Variants in TBC1D10B observed in about 807,000 individuals in gnomAD.
TBC1D10B encodes Rab27A-GAPbeta.
TBC1D10B carries 25 observed loss-of-function variants against 78.4 expected under a neutral mutation model. The ratio of observed to expected loss-of-function variants is 0.32; its 90% CI spans 0.23 to 0.45. The LOEUF (loss-of-function observed/expected upper bound fraction) is 0.45. TBC1D10B is among the 20% of genes least tolerant of loss of function. The pLI is 1.00. For missense variants in TBC1D10B, 996 were observed against 1,104.8 expected, an observed-to-expected ratio of 0.90 and a Z score of 1.40; for synonymous variants, 517 against 478.0, an observed-to-expected ratio of 1.08 and a Z score of -1.06.
At position 30,369,938 on chromosome 16, in the gene TBC1D10B, C is replaced by CGGGGCT. The variant is rs1281544370; in HGVS notation, c.240_245dup (p.Pro82_Ala83dup). The stretch of plus-strand genomic sequence containing the variant: ...CCACCACCGTGCTGCCCGTGACAGC[C>CGGGGCT]GGGGCTGGGGCCGGGGCTGGGGCCG... On this transcript the variant is annotated inframe_insertion, in exon 1 of 9. Transcript: ENST00000409939. This position sits in a 1 kb window ranked among gnomAD's most constrained non-coding sequence, Gnocchi z 4.3. 1.7e-5 allele frequency: 20 copies of CGGGGCT among 1,209,036 alleles called. No individual in the cohort carries two copies. The Middle Eastern group carries it at 1.2e-3, about 73-fold the overall frequency. The allele number at this position is 1,209,036 out of a possible 1,614,324, so 74.9% of individuals were successfully genotyped here. A position where few individuals can be genotyped will look rare whatever the true frequency, so the allele number is the denominator to read the frequency against.
At position 30,365,150 on chromosome 16, in the gene TBC1D10B, C is replaced by G; in HGVS notation, c.1119G>C (p.Leu373=). 2 of 1,614,020 alleles carry G rather than the reference C, an allele frequency of 1.2e-6. No homozygotes were observed. Among genetic ancestry groups the G allele is most frequent in the Non-Finnish European group, 1.7e-6 (2 of 1,179,900 alleles). The part of the protein sequence containing the change: ...SSLRAKAWQY[L]SNSKELLEQN... ...GCTCCAGAAGTTCCTTGCTATTAGACAGGTACTGCCAGGCTTTGGCTCTGA... is the reference window on the plus strand; with the variant it reads ...GCTCCAGAAGTTCCTTGCTATTAGAGAGGTACTGCCAGGCTTTGGCTCTGA... The change falls in exon 3 of 9, where the codon CTG becomes CTC. Residue 373 remains leucine (L), a synonymous_variant. Coordinates refer to ENST00000409939, the MANE Select transcript of TBC1D10B (RefSeq NM_015527.4). The surrounding 1 kb of genome is among the most constrained non-coding windows in gnomAD (Gnocchi z 5.0).
intron 4 of TBC1D10B, among the ~76,000 whole-genome samples, chr16:30,364,523 C>T (rs182155230): frequency 1.3e-5 from 2 of 152,278 alleles, no homozygotes; most frequent in East Asian, 3.9e-4. Context: ...TATATACTGA[C>T]ATCTGGAGGA....
intron 4 of TBC1D10B, among the ~76,000 whole-genome samples, chr16:30,364,046 G>C (rs1308179585): frequency 1.3e-5 from 2 of 151,874 alleles, no homozygotes; most frequent in Admixed American, 6.6e-5. Flanking sequence ...GAATCCAGGA[G>C]GCAGAGGTTG....
At position 30,358,435 on chromosome 16, in the gene TBC1D10B, G is replaced by A. The variant is rs765553544; in HGVS notation, c.1936C>T (p.Arg646Cys). ...LHGSRAIHEE[R>C]RRQQPPLGPS... is the part of the protein sequence containing the mutation. ...CCCAGGGGTGGCTGTTGCCGCCGGC[G>A]CTCCTCGTGGATGGCCCGGGACCCA... Residue 646 changes from arginine to cysteine, a missense_variant, in exon 9 of 9, where the codon CGC (arginine) becomes TGC (cysteine). Physicochemically the swap from Arg to Cys is radical, Grantham distance 180 (BLOSUM62 -3). Around this residue, in one of 5 missense-constraint regions of TBC1D10B, gnomAD observed 285 missense variants for 252.5 expected, o/e 1.13. Coordinates refer to ENST00000409939, the MANE Select transcript of TBC1D10B (RefSeq NM_015527.4). 1.1e-5 allele frequency: 17 copies of A among 1,586,696 alleles called. No homozygotes were observed. The highest frequency in any genetic ancestry group is 1.7e-4 in the Middle Eastern group (1 of 6,024).
chr16:30,365,784 A>T lies in TBC1D10B; in HGVS notation c.957-190T>A. On this transcript the variant is annotated intron_variant, in intron 1 of 8. Coordinates refer to ENST00000409939, the MANE Select transcript of TBC1D10B (RefSeq NM_015527.4). The surrounding 1 kb of genome is among the most constrained non-coding windows in gnomAD (Gnocchi z 5.0). ...CTGAAAGGGCTTCCTTCCCTGATGG[A>T]TCTCTATTCAGAGGTCATATTTAAA... 1.7e-6 allele frequency: 1 copy of T among 586,312 alleles called. No individual in the cohort carries two copies. The highest frequency in any genetic ancestry group is 2.9e-5 in the East Asian group (1 of 34,342). The allele number at this position is 586,312 out of a possible 1,614,324, so 36.3% of individuals were successfully genotyped here. A position where few individuals can be genotyped will look rare whatever the true frequency, so the allele number is the denominator to read the frequency against.
In TBC1D10B at chr16:30,365,580, G is replaced by C. The variant is rs1235062183; in HGVS notation, c.971C>G (p.Pro324Arg). The C allele has an allele frequency of 6.2e-7, 1 of 1,613,986 alleles. No homozygotes were observed. The highest frequency in any genetic ancestry group is 8.5e-7 in the Non-Finnish European group (1 of 1,179,890). Residue 324 changes from proline to arginine, a missense_variant, in exon 2 of 9, where the codon CCC (proline) becomes CGC (arginine). Around this residue, in one of 5 missense-constraint regions of TBC1D10B, gnomAD observed 448 missense variants for 442.1 expected, o/e 1.01. Transcript: ENST00000409939. This position sits in a 1 kb window ranked among gnomAD's most constrained non-coding sequence, Gnocchi z 5.0. ...CTCCCGCTGCCGAGCCACGTCCACG[G>C]GAATGGAGCTCTCTCTGCAGGGTCG... Reference protein sequence around the residue: ...QYSGSLESSIPVDVARQRELK... With the variant: ...QYSGSLESSIRVDVARQRELK...
intron 4 of TBC1D10B, among the ~76,000 whole-genome samples, chr16:30,361,379 A>G (rs1289015472): frequency 6.6e-6 from 1 of 152,108 alleles, no homozygotes; most frequent in African/African-American, 2.4e-5. Flanking sequence ...ACTGTCTTCA[A>G]TTTCTTTTCT....
In TBC1D10B at chr16:30,358,344, G is replaced by A; in HGVS notation, c.2027C>T (p.Ala676Val). ...GCGGACGGGGGGCGGCGGGGACGGGGCCCCTCCAGCTGCCCGGGAGCCTCG... is the reference window on the plus strand; with the variant it reads ...GCGGACGGGGGGCGGCGGGGACGGGACCCCTCCAGCTGCCCGGGAGCCTCG... ...KSRGSRAAGGAPSPPPPVRRA... is the reference protein window; with the variant it reads ...KSRGSRAAGGVPSPPPPVRRA... The change falls in exon 9 of 9, where the codon GCC becomes GTC. Residue 676 changes from alanine to valine, a missense_variant. Around this residue, in one of 5 missense-constraint regions of TBC1D10B, gnomAD observed 285 missense variants for 252.5 expected, o/e 1.13. Coordinates refer to ENST00000409939, the MANE Select transcript of TBC1D10B (RefSeq NM_015527.4). 2.6e-6 allele frequency: 4 copies of A among 1,559,168 alleles called. No individual in the cohort carries two copies. Among genetic ancestry groups the A allele is most frequent in the Non-Finnish European group, 3.5e-6 (4 of 1,151,514 alleles).
intron 7 of TBC1D10B, 25 bp downstream of exon 7, chr16:30,359,147 A>G: frequency 1.3e-6 from 2 of 1,591,786 alleles, no homozygotes; most frequent in Non-Finnish European, 1.7e-6. Flanking sequence ...CCAGCCCCTC[A>G]TGGCCTGGAG....
intron 1 of TBC1D10B, among the ~76,000 whole-genome samples, chr16:30,368,962 G>C (rs1385874629): frequency 6.6e-6 from 1 of 152,210 alleles, no homozygotes; most frequent in Non-Finnish European, 1.5e-5. Context: ...ACGGAAATGG[G>C]GAAGCCACTA....
At position 30,358,343 on chromosome 16, in the gene TBC1D10B, G is replaced by C; in HGVS notation, c.2028C>G (p.Ala676=). 1 of 1,559,658 alleles carries C rather than the reference G, an allele frequency of 6.4e-7. No individual in the cohort carries two copies. Among genetic ancestry groups the C allele is most frequent in the Non-Finnish European group, 8.7e-7 (1 of 1,151,732 alleles). The change falls in exon 9 of 9, where the codon GCC becomes GCG. Residue 676 remains alanine (A), a synonymous_variant. Transcript: ENST00000409939. Reference sequence around the variant, plus strand: ...TGCGGACGGGGGGCGGCGGGGACGGGGCCCCTCCAGCTGCCCGGGAGCCTC... The same window carrying C: ...TGCGGACGGGGGGCGGCGGGGACGGCGCCCCTCCAGCTGCCCGGGAGCCTC... The part of the protein sequence containing the change: ...KSRGSRAAGG[A]PSPPPPVRRA...
In TBC1D10B at chr16:30,369,965, G is replaced by A. The variant is rs2049673905; in HGVS notation, c.219C>T (p.Ala73=). The A allele has an allele frequency of 1.6e-5, 21 of 1,286,616 alleles. No homozygotes were observed. Among genetic ancestry groups the A allele is most frequent in the Non-Finnish European group, 2.1e-5 (21 of 1,018,880 alleles). The allele number at this position is 1,286,616 out of a possible 1,614,324, so 79.7% of individuals were successfully genotyped here. A position where few individuals can be genotyped will look rare whatever the true frequency, so the allele number is the denominator to read the frequency against. The change falls in exon 1 of 9, where the codon GCC becomes GCT. Residue 73 remains alanine (A), a synonymous_variant. Coordinates refer to ENST00000409939, the MANE Select transcript of TBC1D10B (RefSeq NM_015527.4). This position sits in a 1 kb window ranked among gnomAD's most constrained non-coding sequence, Gnocchi z 4.3. ...VPGSAETSAP[A]PAPAPAPAPA... is the part of the protein sequence containing the mutation. The stretch of plus-strand genomic sequence containing the variant: ...GGGCTGGGGCCGGGGCTGGGGCCGG[G>A]GCCGGAGCAGAGGTCTCGGCCGACC...
chr16:30,365,439 C>T lies in TBC1D10B; in HGVS notation c.1056+56G>A. On this transcript the variant is annotated intron_variant, in intron 2 of 8. Transcript: ENST00000409939. This position sits in a 1 kb window ranked among gnomAD's most constrained non-coding sequence, Gnocchi z 5.0. ...ATCGGCTTCCTGGGCTTCCCTGGAGCACATGCTACCCCTCCCAACTTGTGC... is the reference window on the plus strand; with the variant it reads ...ATCGGCTTCCTGGGCTTCCCTGGAGTACATGCTACCCCTCCCAACTTGTGC... The T allele has an allele frequency of 6.3e-7, 1 of 1,591,248 alleles. No individual in the cohort carries two copies.
Position 30,357,598 on chromosome 16 carries a change from G to A in TBC1D10B, c.*346C>T. 1 of 344,782 alleles carries A rather than the reference G, an allele frequency of 2.9e-6. No homozygotes were observed. Among genetic ancestry groups the A allele is most frequent in the Non-Finnish European group, 5.4e-6 (1 of 186,830 alleles). 21.4% of individuals were successfully genotyped at this position (344,782 alleles called of 1,614,324 possible). On this transcript the variant is annotated 3_prime_UTR_variant, in exon 9 of 9. Coordinates refer to ENST00000409939, the MANE Select transcript of TBC1D10B (RefSeq NM_015527.4). The stretch of plus-strand genomic sequence containing the variant: ...TCCACCTCATGGTAAGGGGAGCTAT[G>A]GAGTGTAAGAATCTGAAACTGCTGA...
In TBC1D10B at chr16:30,365,218, G is replaced by A. The variant is rs747363291; in HGVS notation, c.1057-6C>T. On this transcript the variant is annotated splice_polypyrimidine_tract_variant and splice_region_variant and intron_variant, in intron 2 of 8. Coordinates refer to ENST00000409939, the MANE Select transcript of TBC1D10B (RefSeq NM_015527.4). The surrounding 1 kb of genome is among the most constrained non-coding windows in gnomAD (Gnocchi z 5.0). ...TTCCGGCAGCGCAGCTTCACCTAAGGCAAAGTGGCAGGAGGGGGACAGCTT... is the reference window on the plus strand; with the variant it reads ...TTCCGGCAGCGCAGCTTCACCTAAGACAAAGTGGCAGGAGGGGGACAGCTT... 9.9e-6 allele frequency: 16 copies of A among 1,613,026 alleles called. No homozygotes were observed. Among genetic ancestry groups the A allele is most frequent in the Non-Finnish European group, 1.4e-5 (16 of 1,179,282 alleles).
chr16:30,365,788 C>T lies in TBC1D10B; in HGVS notation c.957-194G>A. 2 of 582,346 alleles carry T rather than the reference C, an allele frequency of 3.4e-6. No homozygotes were observed. The allele number at this position is 582,346 out of a possible 1,614,324, so 36.1% of individuals were successfully genotyped here. On this transcript the variant is annotated intron_variant, in intron 1 of 8. Transcript: ENST00000409939. This position sits in a 1 kb window ranked among gnomAD's most constrained non-coding sequence, Gnocchi z 5.0. The stretch of plus-strand genomic sequence containing the variant: ...AAGGGCTTCCTTCCCTGATGGATCT[C>T]TATTCAGAGGTCATATTTAAATCTC...
intron 1 of TBC1D10B, chr16:30,367,107 T>C (rs1193508641): frequency 6.6e-6 from 1 of 152,350 alleles, no homozygotes; most frequent in Non-Finnish European, 1.5e-5. Context: ...GGCAGGAGAA[T>C]TGCTTGAACC....
At chr16:30,364,180 C>T (rs1183305223) in intron 4 of TBC1D10B, among the ~76,000 whole-genome samples, 4 of 151,602 alleles carry the variant, frequency 2.6e-5, no homozygotes, top group Non-Finnish European at 5.9e-5. Flanking sequence ...GTGGCTCACA[C>T]CTGTAATCCC....
chr16:30,358,162 T>C lies in TBC1D10B; in HGVS notation c.2209A>G (p.Lys737Glu). 6.5e-7 allele frequency: 1 copy of C among 1,549,896 alleles called. No homozygotes were observed. The highest frequency in any genetic ancestry group is 8.7e-7 in the Non-Finnish European group (1 of 1,145,474). Reference protein sequence around the residue: ...ERQKQEKERQKQEKEREKERQ... With the variant: ...ERQKQEKERQEQEKEREKERQ... ...TCCTTCTCCCGCTCCTTCTCCTGTT[T>C]CTGCCGCTCCTTCTCCTGTTTCTGC... is the stretch of plus-strand genomic sequence containing the variant. Residue 737 changes from lysine to glutamate, a missense_variant, in exon 9 of 9, where the codon AAA becomes GAA. By Grantham distance (56) the Lys-to-Glu change is moderately conservative. Coordinates refer to ENST00000409939, the MANE Select transcript of TBC1D10B (RefSeq NM_015527.4).
Sources: gnomAD v4.1 joint callset for allele counts (sites outside exome capture counted in the v4.1 genomes callset) on GRCh38, gnomAD v4.1.1 for gene constraint, gnomAD v4.1.1 regional missense constraint, Gnocchi (gnomAD v3.1) non-coding constraint, MANE v1.5 for transcripts, NCBI Gene and HGNC (gene_info 2026-07-23, HGNC 2026-07-21) for gene names.